The following SLC25A28 variants were observed in gnomAD, a reference collection of about 807,000 sequenced individuals.
SLC25A28 encodes solute carrier family 25 member 28.
Under a neutral mutation model 31.9 loss-of-function variants are expected in SLC25A28, and 10 were observed. The observed-to-expected ratio is 0.31, with a 90% CI of 0.19 to 0.53. The LOEUF (loss-of-function observed/expected upper bound fraction) is 0.53. SLC25A28 is among the 20% of genes least tolerant of loss of function. The pLI is 0.95. For missense variants in SLC25A28, 256 were observed against 490.3 expected (o/e 0.52, Z 4.51); for synonymous variants, 208 against 203.6 (o/e 1.02, Z -0.19).
At position 99,610,614 on chromosome 10, in the gene SLC25A28, A is replaced by G; in HGVS notation, c.*235T>C. On this transcript the variant is annotated 3_prime_UTR_variant, in exon 4 of 4. Transcript: ENST00000370495. Reference sequence around the variant, plus strand: ...GCAGGTCATCAGGCCCAGGATGGAGAGAGGTTATCAAAGGTGCTGTGGTGT... The same window carrying G: ...GCAGGTCATCAGGCCCAGGATGGAGGGAGGTTATCAAAGGTGCTGTGGTGT... 1 of 556,166 alleles carries G rather than the reference A, an allele frequency of 1.8e-6. No homozygotes were observed. Among genetic ancestry groups the G allele is most frequent in the South Asian group, 2.1e-5 (1 of 46,636 alleles). The allele number at this position is 556,166 out of a possible 1,614,324, so 34.5% of individuals were successfully genotyped here. A position where few individuals can be genotyped will look rare whatever the true frequency, so the allele number is the denominator to read the frequency against.
the SLC25A28 span, among the ~76,000 whole-genome samples, chr10:99,626,075 T>C: frequency 2.0e-5 from 3 of 152,230 alleles, no homozygotes; most frequent in Admixed American, 6.5e-5. Flanking sequence ...TTTCTCATTA[T>C]TGAAGGTTCA....
chr10:99,638,110 G>A, the SLC25A28 span, among the ~76,000 whole-genome samples: 1 of 152,092 alleles, frequency 6.6e-6, no homozygotes. Context: ...CAGAGCAATG[G>A]AAAAGAATAG....
chr10:99,652,524 A>G, the SLC25A28 span, among the ~76,000 whole-genome samples: 1 of 152,044 alleles, frequency 6.6e-6, no homozygotes, highest in Non-Finnish European at 1.5e-5. Flanking sequence ...AAGGGATGAG[A>G]TTTTGCCCAA....
intron 1 of SLC25A28, chr10:99,615,597 C>T: frequency 1.0e-6 from 1 of 985,398 alleles, no homozygotes; most frequent in Non-Finnish European, 1.2e-6. Flanking sequence ...TCACTTATCA[C>T]AATTTGACAC....
intron 3 of SLC25A28, among the ~76,000 whole-genome samples, chr10:99,612,090 G>T (rs1248440888): frequency 6.6e-6 from 1 of 152,224 alleles, no homozygotes; most frequent in South Asian, 2.1e-4. Flanking sequence ...CAGCAGAAAT[G>T]CAGGGACTGA....
Position 99,614,006 on chromosome 10 carries a change from A to G in SLC25A28, c.292-82T>C, listed in dbSNP as rs554700719. 96 of 1,445,406 alleles carry G rather than the reference A, an allele frequency of 6.6e-5. No individual in the cohort carries two copies. In the African/African-American group the frequency reaches 1.3e-3, roughly 19 times the overall value. 89.5% of individuals were successfully genotyped at this position (1,445,406 alleles called of 1,614,324 possible). A position where few individuals can be genotyped will look rare whatever the true frequency, so the allele number is the denominator to read the frequency against. ...TCAACACACTGGGCAGACCTTCTAC[A>G]TGGAGCTGTGCCAATCTGTGAGAGG... On this transcript the variant is annotated intron_variant, in intron 1 of 3. Coordinates refer to ENST00000370495, the MANE Select transcript of SLC25A28 (RefSeq NM_031212.4).
the SLC25A28 span, among the ~76,000 whole-genome samples, chr10:99,644,662 C>A: frequency 1.1e-4 from 17 of 152,282 alleles, no homozygotes; most frequent in East Asian, 1.3e-3. Flanking sequence ...ATGGTCTTTA[C>A]AATTTGGCAT....
At chr10:99,640,917 A>C in the SLC25A28 span, among the ~76,000 whole-genome samples, 2 of 151,952 alleles carry the variant, frequency 1.3e-5, no homozygotes, top group South Asian at 2.1e-4. Flanking sequence ...ATGGCTGCAT[A>C]GTATTCCATG....
chr10:99,634,437 C>T, the SLC25A28 span, among the ~76,000 whole-genome samples: 1 of 93,080 alleles, frequency 1.1e-5, no homozygotes, highest in Non-Finnish European at 2.4e-5. Flanking sequence ...GAGGAAATAG[C>T]ATAAAAAAAA....
chr10:99,639,650 C>A, the SLC25A28 span, among the ~76,000 whole-genome samples: 7 of 151,428 alleles, frequency 4.6e-5, no homozygotes, highest in African/African-American at 1.7e-4. Context: ...CCTGCCCCCC[C>A]ATCCCCCTAC....
upstream of SLC25A28, chr10:99,620,937 C>T (rs1156608727): frequency 6.2e-6 from 6 of 964,738 alleles, no homozygotes; most frequent in Middle Eastern, 5.3e-4. Context: ...TGACGGGCGC[C>T]GTTACGACCC....
chr10:99,658,743 G>T, the SLC25A28 span, among the ~76,000 whole-genome samples: 1 of 152,162 alleles, frequency 6.6e-6, no homozygotes. Flanking sequence ...GATGTGCCAC[G>T]TTGGAAAGAG....
intron 3 of SLC25A28, among the ~76,000 whole-genome samples, chr10:99,612,006 T>A (rs1454500628): frequency 6.6e-6 from 1 of 152,198 alleles, no homozygotes; most frequent in Non-Finnish European, 1.5e-5. Context: ...AACAATGCTA[T>A]CCCTTCATAT....
the SLC25A28 span, among the ~76,000 whole-genome samples, chr10:99,646,329 A>T: frequency 6.6e-6 from 1 of 152,244 alleles, no homozygotes; most frequent in Admixed American, 6.5e-5. Context: ...AGCAGTGAGC[A>T]AGGCTCTGTG....
Position 99,610,730 on chromosome 10 carries a change from GGGGAGAGCCCC to G in SLC25A28, c.*108_*118del, listed in dbSNP as rs2034500479. 7.6e-7 allele frequency: 1 copy of G among 1,314,518 alleles called. No homozygotes were observed. The highest frequency in any genetic ancestry group is 1.0e-6 in the Non-Finnish European group (1 of 959,734). 81.4% of individuals were successfully genotyped at this position (1,314,518 alleles called of 1,614,324 possible). On this transcript the variant is annotated 3_prime_UTR_variant, in exon 4 of 4. Coordinates refer to ENST00000370495, the MANE Select transcript of SLC25A28 (RefSeq NM_031212.4). ...TGTTAGTCAAAACACCAAAATCCTG[GGGGAGAGCCCC>G]TCTACCTTCCTTCTAACTCCACTTG...
the SLC25A28 span, among the ~76,000 whole-genome samples, chr10:99,657,708 C>T: frequency 3.3e-5 from 5 of 152,070 alleles, no homozygotes; most frequent in African/African-American, 1.2e-4. Flanking sequence ...TGGTCAATGA[C>T]TCAGTTTCCC....
chr10:99,620,676 C>A, upstream of SLC25A28: 1 of 987,078 alleles, frequency 1.0e-6, no homozygotes, highest in Non-Finnish European at 1.2e-6. Context: ...GTGCGATCAA[C>A]CCGCCTCTGA....
At position 99,613,589 on chromosome 10, in the gene SLC25A28, C is replaced by A; in HGVS notation, c.520+107G>T. 1 of 1,568,552 alleles carries A rather than the reference C, an allele frequency of 6.4e-7. No individual in the cohort carries two copies. On this transcript the variant is annotated intron_variant, in intron 2 of 3. Transcript: ENST00000370495. This position sits in a 1 kb window ranked among gnomAD's most constrained non-coding sequence, Gnocchi z 4.9. Reference sequence around the variant, plus strand: ...CCCTCCCTTATAATCTGGCCTATCCCAGCCCAAAGCTTCAGCTCCAAACCA... The same window carrying A: ...CCCTCCCTTATAATCTGGCCTATCCAAGCCCAAAGCTTCAGCTCCAAACCA...
chr10:99,653,369 G>A, the SLC25A28 span, among the ~76,000 whole-genome samples: 2 of 152,180 alleles, frequency 1.3e-5, no homozygotes, highest in Non-Finnish European at 2.9e-5. Flanking sequence ...CAACTTGCCA[G>A]CCATGCATGC....
Sources: gnomAD v4.1 joint callset for allele counts (sites outside exome capture counted in the v4.1 genomes callset) on GRCh38, gnomAD v4.1.1 for gene constraint, Gnocchi (gnomAD v3.1) non-coding constraint, MANE v1.5 for transcripts, NCBI Gene and HGNC (gene_info 2026-07-23, HGNC 2026-07-21) for gene names.